The following CLEC16A variants were observed in gnomAD, a reference collection of about 807,000 sequenced individuals.
CLEC16A encodes the protein protein CLEC16A.
In CLEC16A, 51 loss-of-function variants were observed where a neutral mutation model predicts 109.5. That is an observed-to-expected ratio of 0.47 (90% confidence interval 0.37 to 0.59). The LOEUF (loss-of-function observed/expected upper bound fraction) is 0.59, where lower values mean the gene tolerates loss of function less well. CLEC16A is among the 20% of genes least tolerant of loss of function. The probability of loss-of-function intolerance (pLI) is 0.00; values close to 1 mark genes in which losing one functional copy is unlikely to be tolerated. For synonymous variants in CLEC16A, 673 were observed against 564.2 expected (o/e 1.19, Z -2.73); for missense variants, 1,339 against 1,394.0 (o/e 0.96, Z 0.63).
intron 22 of CLEC16A, among the ~76,000 whole-genome samples, chr16:11,133,298 C>T (rs1481567034): frequency 6.6e-6 from 1 of 150,980 alleles, no homozygotes; most frequent in East Asian, 2.0e-4. Flanking sequence ...GAGATCTTGC[C>T]ATTGCACTCT....
intron 19 of CLEC16A, among the ~76,000 whole-genome samples, chr16:11,089,068 G>A (rs1186555601): frequency 6.6e-6 from 1 of 152,084 alleles, no homozygotes; most frequent in Non-Finnish European, 1.5e-5. Context: ...TGTCCTTCTG[G>A]ACCAAGCTCT....
chr16:11,092,629 G>T lies in CLEC16A; in HGVS notation c.2117-27986G>T, dbSNP rs1214017697. On this transcript the variant is annotated intron_variant, in intron 19 of 23. Transcript: ENST00000409790. ...TTCCTTGAACGTTTTTGCAAATACA[G>T]ATTTGAACATAACTGATTTCAGTTC... is the stretch of plus-strand genomic sequence containing the variant. Among the ~76,000 whole-genome samples, 4 of 152,174 alleles carry T rather than the reference G, an allele frequency of 2.6e-5. No homozygotes were observed. In the East Asian group the frequency reaches 5.8e-4, roughly 22 times the overall value.
intron 10 of CLEC16A, among the ~76,000 whole-genome samples, chr16:10,997,005 A>G (rs938126955): frequency 3.3e-5 from 5 of 152,232 alleles, no homozygotes; most frequent in African/African-American, 1.2e-4. Context: ...TGTGTCACCC[A>G]GGCTGGAGTG....
intron 10 of CLEC16A, among the ~76,000 whole-genome samples, chr16:10,993,501 G>T (rs964102393): frequency 6.6e-6 from 1 of 152,184 alleles, no homozygotes. Context: ...CCAAGGTTCC[G>T]TGATTGTTCC....
intron 19 of CLEC16A, among the ~76,000 whole-genome samples, chr16:11,089,457 C>T (rs894884345): frequency 1.3e-5 from 2 of 152,174 alleles, no homozygotes; most frequent in African/African-American, 4.8e-5. Flanking sequence ...CAACTCAGTT[C>T]ACAAACACAG....
chr16:10,966,010 C>A (rs1252851567), intron 3 of CLEC16A, among the ~76,000 whole-genome samples: 1 of 152,148 alleles, frequency 6.6e-6, no homozygotes, highest in Non-Finnish European at 1.5e-5. Flanking sequence ...GTAAGACACC[C>A]CAACAGCTCC....
rs372638107 is a variant in CLEC16A, at chr16:11,178,563, C to G, written c.3035C>G (p.Pro1012Arg). 1.2e-6 allele frequency: 2 copies of G among 1,612,064 alleles called. No homozygotes were observed. The highest frequency in any genetic ancestry group is 1.3e-5 in the African/African-American group (1 of 74,928). ...LSVESLTLVP[P>R]VDPHSLRSLT... ...GTCGAATCGCTGACCCTTGTCCCCC[C>G]AGTTGACCCCCACAGCCTCCGCAGC... Residue 1012 changes from proline (P) to arginine (R), a missense_variant, in exon 24 of 24, where the codon CCA becomes CGA. Physicochemically the swap from Pro to Arg is moderately radical, Grantham distance 103. Around this residue, in one of 3 missense-constraint regions of CLEC16A, gnomAD observed 1,061 missense variants for 1,006.8 expected, o/e 1.05. Transcript: ENST00000409790. This position sits in a 1 kb window ranked among gnomAD's most constrained non-coding sequence, Gnocchi z 6.5.
At chr16:11,026,340 A>G (rs1054319571) in intron 13 of CLEC16A, among the ~76,000 whole-genome samples, 8 of 152,334 alleles carry the variant, frequency 5.3e-5, no homozygotes, top group Non-Finnish European at 1.2e-4. Context: ...TTCAGTAGGC[A>G]TAGGGCTTTT....
intron 23 of CLEC16A, among the ~76,000 whole-genome samples, chr16:11,169,681 G>A (rs191331231): frequency 1.3e-5 from 2 of 152,342 alleles, no homozygotes; most frequent in East Asian, 1.9e-4. Context: ...GTTTTCCATA[G>A]CTCTAGCCCA....
intron 19 of CLEC16A, among the ~76,000 whole-genome samples, chr16:11,065,753 G>A (rs140327381): frequency 7.2e-5 from 11 of 152,318 alleles, no homozygotes; most frequent in African/African-American, 2.4e-4. Flanking sequence ...AAGCTTCTAC[G>A]AGAAAGCACA....
chr16:11,108,915 C>T (rs983331827), intron 19 of CLEC16A, among the ~76,000 whole-genome samples: 2 of 151,944 alleles, frequency 1.3e-5, no homozygotes, highest in Admixed American at 6.6e-5. Context: ...TCGAGACCAT[C>T]CTGGCTAACA....
At chr16:10,945,120 ACTT>A (rs1473681284) in intron 1 of CLEC16A, among the ~76,000 whole-genome samples, 1 of 152,210 alleles carries the variant, frequency 6.6e-6, no homozygotes, top group Non-Finnish European at 1.5e-5. Flanking sequence ...CTGGCGGGGT[ACTT>A]CTTAAACTGA....
chr16:10,967,665 C>T (rs1011824796), intron 3 of CLEC16A, among the ~76,000 whole-genome samples: 1 of 152,236 alleles, frequency 6.6e-6, no homozygotes, highest in African/African-American at 2.4e-5. Flanking sequence ...ACTACTACTA[C>T]TGTCCTGAGT....
chr16:10,977,346 C>T lies in CLEC16A; in HGVS notation c.850C>T (p.Leu284Phe). The change falls in exon 8 of 24, where the codon CTC becomes TTC. Residue 284 changes from leucine to phenylalanine, a missense_variant. Physicochemically the swap from Leu to Phe is conservative, Grantham distance 22 (BLOSUM62 0). Coordinates refer to ENST00000409790, the MANE Select transcript of CLEC16A (RefSeq NM_015226.3). The part of the protein sequence containing the change: ...FLNDVLTDHL[L>F]NRLFLPLYVY... ...CAACGATGTGCTCACTGACCACCTGCTCAACAGGCTCTTCCTGCCCCTCTA... is the reference window on the plus strand; with the variant it reads ...CAACGATGTGCTCACTGACCACCTGTTCAACAGGCTCTTCCTGCCCCTCTA... 1.2e-6 allele frequency: 2 copies of T among 1,614,002 alleles called. No homozygotes were observed. Among genetic ancestry groups the T allele is most frequent in the South Asian group, 1.1e-5 (1 of 91,080 alleles).
chr16:10,982,076 T>C (rs983014171), intron 9 of CLEC16A, among the ~76,000 whole-genome samples: 7 of 152,248 alleles, frequency 4.6e-5, no homozygotes, highest in Admixed American at 1.3e-4. Flanking sequence ...CGCTTTTCTA[T>C]GCAAATGGTA....
At chr16:11,142,483 T>C (rs1038029028) in intron 22 of CLEC16A, among the ~76,000 whole-genome samples, 2 of 152,242 alleles carry the variant, frequency 1.3e-5, no homozygotes, top group African/African-American at 4.8e-5. Context: ...ATAGGTGTGA[T>C]GTGTCAACAG....
At chr16:11,152,204 G>C (rs2054317519) in intron 22 of CLEC16A, among the ~76,000 whole-genome samples, 1 of 152,224 alleles carries the variant, frequency 6.6e-6, no homozygotes, top group African/African-American at 2.4e-5. Flanking sequence ...TCTTTTAAAA[G>C]AAAGTGGAAG....
intron 22 of CLEC16A, among the ~76,000 whole-genome samples, chr16:11,152,703 G>A (rs1849356180): frequency 6.6e-6 from 1 of 152,192 alleles, no homozygotes; most frequent in Non-Finnish European, 1.5e-5. Flanking sequence ...AAAGCTAAGG[G>A]CACCACTGTG....
intron 19 of CLEC16A, among the ~76,000 whole-genome samples, chr16:11,062,272 G>C (rs1244712665): frequency 6.6e-6 from 1 of 152,122 alleles, no homozygotes; most frequent in Non-Finnish European, 1.5e-5. Context: ...ACTCTCTGTA[G>C]CACTGTTGTT....
Sources: gnomAD v4.1 joint callset for allele counts (sites outside exome capture counted in the v4.1 genomes callset) on GRCh38, gnomAD v4.1.1 for gene constraint, gnomAD v4.1.1 regional missense constraint, Gnocchi (gnomAD v3.1) non-coding constraint, MANE v1.5 for transcripts, NCBI Gene and HGNC (gene_info 2026-07-23, HGNC 2026-07-21) for gene names.